MDM4: variants seen among roughly 807,000 people sequenced by gnomAD.
MDM4 encodes MDM4 regulator of p53, also known as protein Mdm4.
In MDM4, 2 loss-of-function variants were observed where a neutral mutation model predicts 60.2. The ratio of observed to expected loss-of-function variants is 0.03; its 90% CI spans 0.01 to 0.10. MDM4 has a LOEUF of 0.10. Among genes scored for constraint, MDM4 ranks in the 10% least tolerant of loss-of-function variants. MDM4 has a pLI of 1.00. For synonymous variants in MDM4, 202 were observed against 198.1 expected, an observed-to-expected ratio of 1.02 and a Z score of -0.17; for missense variants, 447 against 577.5, an observed-to-expected ratio of 0.77 and a Z score of 2.32.
intron 1 of MDM4, among the ~76,000 whole-genome samples, chr1:204,518,407 C>T (rs1239207077): frequency 6.6e-6 from 1 of 152,218 alleles, no homozygotes; most frequent in East Asian, 1.9e-4. Flanking sequence ...ATCTTCCCTG[C>T]CGTCCCAGGT....
intron 10 of MDM4, 75 bp from the exon 11 acceptor site, chr1:204,549,038 A>C (rs1662948028): frequency 2.2e-6 from 2 of 913,430 alleles, no homozygotes; most frequent in Non-Finnish European, 3.4e-6. Flanking sequence ...GATGTGAATG[A>C]ATTTGACCTC....
rs35918019 is a variant in MDM4 at position 204,551,979 on chromosome 1, TAAAAAA to T, written c.*2312_*2317del. ...CTAACACTAACAATAGCTGATGAGC[TAAAAAA>T]AAAAAAAAAAAAAATCGTGGACCGG... On this transcript the variant is annotated 3_prime_UTR_variant, in exon 11 of 11. Coordinates refer to ENST00000367182, the MANE Select transcript of MDM4 (RefSeq NM_002393.5). 1.1e-3 allele frequency: 153 copies of T among 136,736 alleles called. No homozygotes were observed. The highest frequency in any genetic ancestry group is 4.5e-3 in the African/African-American group (138 of 30,472). 8.5% of individuals were successfully genotyped at this position (136,736 alleles called of 1,614,324 possible). A position where few individuals can be genotyped will look rare whatever the true frequency, so the allele number is the denominator to read the frequency against.
At position 204,554,149 on chromosome 1, in the gene MDM4, T is replaced by G. The variant is rs1663403809; in HGVS notation, c.*4467T>G. On this transcript the variant is annotated 3_prime_UTR_variant, in exon 11 of 11. Transcript: ENST00000367182. ...AATGTTGGCTGCCTTTTGAAGTCTTTGATATATTGGTGAATATTCTTCTGA... is the reference window on the plus strand; with the variant it reads ...AATGTTGGCTGCCTTTTGAAGTCTTGGATATATTGGTGAATATTCTTCTGA... 8.7e-6 allele frequency: 2 copies of G among 228,634 alleles called. No homozygotes were observed. The highest frequency in any genetic ancestry group is 3.6e-4 in the South Asian group (2 of 5,496). The allele number at this position is 228,634 out of a possible 1,614,324, so 14.2% of individuals were successfully genotyped here.
chr1:204,541,977 CA>C (rs930115010), intron 7 of MDM4, among the ~76,000 whole-genome samples: 17 of 152,140 alleles, frequency 1.1e-4, no homozygotes, highest in Admixed American at 1.0e-3. Context: ...TAGAGCCCAA[CA>C]AAAGACTGGA....
In MDM4 at chr1:204,528,987, G is replaced by T. The variant is rs563533128; in HGVS notation, c.154-1697G>T. On this transcript the variant is annotated intron_variant, in intron 3 of 10. Transcript: ENST00000367182. ...CTGGATGAAGCAATCAAGCTGTCTGGCAGGATTGACAGAGCGTGGGCAGTA... is the reference window on the plus strand; with the variant it reads ...CTGGATGAAGCAATCAAGCTGTCTGTCAGGATTGACAGAGCGTGGGCAGTA... 48 of 1,534,568 alleles carry T rather than the reference G, an allele frequency of 3.1e-5. 1 individual carries two copies. In the East Asian group the frequency reaches 1.1e-3, roughly 35 times the overall value.
At chr1:204,537,348 G>C in intron 5 of MDM4, 82 bp from the exon 6 acceptor site, 1 of 1,017,566 alleles carries the variant, frequency 9.8e-7, no homozygotes, top group Non-Finnish European at 1.6e-6. Flanking sequence ...CTGGCTCCCG[G>C]GTTGTTTGCT....
At chr1:204,534,045 C>T (rs1222157901) in intron 5 of MDM4, among the ~76,000 whole-genome samples, 1 of 152,020 alleles carries the variant, frequency 6.6e-6, no homozygotes, top group African/African-American at 2.4e-5. Flanking sequence ...TTCAGCCTCC[C>T]GAGGTGTTGG....
intron 3 of MDM4, among the ~76,000 whole-genome samples, chr1:204,527,231 C>T (rs143738957): frequency 4.3e-4 from 65 of 151,888 alleles, no homozygotes; most frequent in African/African-American, 1.5e-3. Flanking sequence ...CGCTTGAACC[C>T]AGAAGGTGAA....
intron 5 of MDM4, among the ~76,000 whole-genome samples, 164 bp from the exon 6 acceptor site, chr1:204,537,266 A>T (rs961307778): frequency 6.6e-6 from 1 of 152,010 alleles, no homozygotes; most frequent in Non-Finnish European, 1.5e-5. Context: ...ATTTTTATCA[A>T]TTTTGATTTT....
At chr1:204,527,178 C>T (rs929122640) in intron 3 of MDM4, among the ~76,000 whole-genome samples, 1 of 149,986 alleles carries the variant, frequency 6.7e-6, no homozygotes, top group Non-Finnish European at 1.5e-5. Context: ...GTGGTCTGCT[C>T]GTTTAGTCCC....
At position 204,552,724 on chromosome 1, in the gene MDM4, T is replaced by TA. The variant is rs1663311467; in HGVS notation, c.*3043dup. On this transcript the variant is annotated 3_prime_UTR_variant, in exon 11 of 11. Transcript: ENST00000367182. ...ATCATTGCCCATGAAAGAATCCTCT[T>TA]AGGCTGCTCAGCTTCACTCTTCCTG... The TA allele has an allele frequency of 5.5e-6, 1 of 183,290 alleles. No individual in the cohort carries two copies. The highest frequency in any genetic ancestry group is 2.0e-4 in the South Asian group (1 of 5,100). 11.4% of individuals were successfully genotyped at this position (183,290 alleles called of 1,614,324 possible). A position where few individuals can be genotyped will look rare whatever the true frequency, so the allele number is the denominator to read the frequency against.
rs141937790 is a variant in MDM4 at position 204,520,596 on chromosome 1, T to G, written c.-36+4087T>G. Among the ~76,000 whole-genome samples the G allele has an allele frequency of 3.4e-3, 511 of 152,166 alleles. 2 individuals are homozygous for G. Among genetic ancestry groups the G allele is most frequent in the Admixed American group, 7.6e-3 (116 of 15,270 alleles). On this transcript the variant is annotated intron_variant, in intron 1 of 10. Transcript: ENST00000367182. ...TTGTGGAAGATTATTGCGTTAAAAA[T>G]AATCCAGGCCAGGTGTGGTGGCTCA...
chr1:204,541,031 G>C (rs1358807398), intron 7 of MDM4, among the ~76,000 whole-genome samples: 2 of 152,110 alleles, frequency 1.3e-5, no homozygotes, highest in Non-Finnish European at 2.9e-5. Context: ...CTGAATTTTG[G>C]TCTACCTAGT....
At position 204,546,884 on chromosome 1, in the gene MDM4, A is replaced by G; in HGVS notation, c.903+7A>G. On this transcript the variant is annotated splice_region_variant and intron_variant, in intron 10 of 10. Coordinates refer to ENST00000367182, the MANE Select transcript of MDM4 (RefSeq NM_002393.5). ...TGTAGAGGTTACCTCTGAGGTATGAATCTTTAGCAAGAACTATTTTGCACC... is the reference window on the plus strand; with the variant it reads ...TGTAGAGGTTACCTCTGAGGTATGAGTCTTTAGCAAGAACTATTTTGCACC... The G allele has an allele frequency of 1.3e-6, 2 of 1,583,672 alleles. No homozygotes were observed. The highest frequency in any genetic ancestry group is 2.2e-5 in the East Asian group (1 of 44,642).
chr1:204,534,568 A>G lies in MDM4; in HGVS notation c.343+2322A>G, dbSNP rs552874003. 4.3e-4 allele frequency among the ~76,000 whole-genome samples: 65 copies of G among 151,764 alleles called. 1 individual carries two copies. The highest frequency in any genetic ancestry group is 8.0e-4 in the Non-Finnish European group (54 of 67,890). ...AGTGGCAAGATCTCGGCTCACTGCAACCTCCGCCTCCGTGGCACAAGCAGT... is the reference window on the plus strand; with the variant it reads ...AGTGGCAAGATCTCGGCTCACTGCAGCCTCCGCCTCCGTGGCACAAGCAGT... On this transcript the variant is annotated intron_variant, in intron 5 of 10. Coordinates refer to ENST00000367182, the MANE Select transcript of MDM4 (RefSeq NM_002393.5).
intron 8 of MDM4, 101 bp from the exon 9 acceptor site, chr1:204,544,434 A>G (rs748651791): frequency 4.4e-6 from 5 of 1,135,224 alleles, no homozygotes; most frequent in Non-Finnish European, 6.3e-6. Context: ...TTCTTTGGCG[A>G]TGTAGTGTGA....
chr1:204,553,878 T>G lies in MDM4; in HGVS notation c.*4196T>G, dbSNP rs1399447757. On this transcript the variant is annotated 3_prime_UTR_variant, in exon 11 of 11. Coordinates refer to ENST00000367182, the MANE Select transcript of MDM4 (RefSeq NM_002393.5). Reference sequence around the variant, plus strand: ...TCCCCAGTCTACCAATGGAATAGTATGGGTTTCTAATCCTAGGCTTGTACA... The same window carrying G: ...TCCCCAGTCTACCAATGGAATAGTAGGGGTTTCTAATCCTAGGCTTGTACA... The G allele has an allele frequency of 4.5e-6, 1 of 222,166 alleles. No individual in the cohort carries two copies. Among genetic ancestry groups the G allele is most frequent in the Admixed American group, 5.8e-5 (1 of 17,366 alleles). The allele number at this position is 222,166 out of a possible 1,614,324, so 13.8% of individuals were successfully genotyped here.
At chr1:204,534,154 CATG>C (rs2102372055) in intron 5 of MDM4, among the ~76,000 whole-genome samples, 1 of 152,314 alleles carries the variant, frequency 6.6e-6, no homozygotes, top group South Asian at 2.1e-4. Flanking sequence ...CATACCGAAA[CATG>C]ATTTTGAACT....
At chr1:204,523,503 C>CA (rs1558310755) in intron 1 of MDM4, among the ~76,000 whole-genome samples, 1 of 82,004 alleles carries the variant, frequency 1.2e-5, no homozygotes, top group East Asian at 4.1e-4. Flanking sequence ...TTTTTTTTTG[C>CA]GACAGGGTAT....
Sources: allele counts gnomAD v4.1 joint callset (sites outside exome capture counted in the v4.1 genomes callset), GRCh38; gene constraint gnomAD v4.1.1; transcripts MANE v1.5; gene names NCBI Gene and HGNC (gene_info 2026-07-23, HGNC 2026-07-21).